Variants in SIK2 observed in about 807,000 individuals in gnomAD.
SIK2 encodes the protein salt inducible kinase 2.
In SIK2, 29 loss-of-function variants were observed where a neutral mutation model predicts 103.2. The observed-to-expected ratio is 0.28, with a 90% CI of 0.21 to 0.38. The LOEUF is 0.38. Among genes scored for constraint, SIK2 ranks in the 10% least tolerant of loss-of-function variants. The pLI is 1.00. For synonymous variants in SIK2, 412 were observed against 446.1 expected (o/e 0.92, Z 0.96); for missense variants, 879 against 1,171.0 (o/e 0.75, Z 3.64).
At chr11:111,652,974 G>A (rs1287689918) in intron 3 of SIK2, among the ~76,000 whole-genome samples, 1 of 152,138 alleles carries the variant, frequency 6.6e-6, no homozygotes, top group Non-Finnish European at 1.5e-5. Context: ...ATTATATTAG[G>A]TAACTATATT....
chr11:111,671,917 T>C, intron 3 of SIK2: 1 of 440,584 alleles, frequency 2.3e-6, no homozygotes. Context: ...TCAGCTTCTC[T>C]GACCCAGAGT....
At chr11:111,607,697 T>C (rs1380548957) in intron 1 of SIK2, among the ~76,000 whole-genome samples, 1 of 152,220 alleles carries the variant, frequency 6.6e-6, no homozygotes, top group Admixed American at 6.5e-5. Context: ...ATATATACTT[T>C]CATAGAATTT....
At chr11:111,652,398 T>C (rs1005449462) in intron 3 of SIK2, among the ~76,000 whole-genome samples, 3 of 152,116 alleles carry the variant, frequency 2.0e-5, no homozygotes, top group Non-Finnish European at 4.4e-5. Context: ...CGAAATCTAG[T>C]CTCCCAGTTT....
At chr11:111,605,346 T>A (rs1941636337) in intron 1 of SIK2, among the ~76,000 whole-genome samples, 1 of 152,212 alleles carries the variant, frequency 6.6e-6, no homozygotes. Context: ...CCTTATTCGT[T>A]CATTCACTGG....
chr11:111,702,174 G>GTT (rs1943225986), intron 6 of SIK2, among the ~76,000 whole-genome samples: 1 of 152,168 alleles, frequency 6.6e-6, no homozygotes, highest in African/African-American at 2.4e-5. Context: ...GAGTCCACTG[G>GTT]TTACTGGCCA....
At chr11:111,666,899 CTG>C (rs1405483153) in intron 3 of SIK2, among the ~76,000 whole-genome samples, 1 of 151,712 alleles carries the variant, frequency 6.6e-6, no homozygotes, top group Non-Finnish European at 1.5e-5. Context: ...TATTTACACT[CTG>C]TATTACAGTT....
chr11:111,687,570 C>A (rs1345989588), intron 3 of SIK2, among the ~76,000 whole-genome samples: 1 of 150,916 alleles, frequency 6.6e-6, no homozygotes, highest in East Asian at 1.9e-4. Context: ...TTGGAAAACA[C>A]CATATTACTT....
At chr11:111,629,944 C>T (rs75085182) in intron 3 of SIK2, among the ~76,000 whole-genome samples, 1,743 of 152,224 alleles carry the variant, frequency 0.011, 15 homozygotes, top group Non-Finnish European at 0.017. Flanking sequence ...TACCCCATCA[C>T]GCAACAATTC....
At chr11:111,667,727 A>G (rs748033959) in intron 3 of SIK2, among the ~76,000 whole-genome samples, 4 of 151,912 alleles carry the variant, frequency 2.6e-5, no homozygotes, top group Non-Finnish European at 5.9e-5. Context: ...TCCTGACCTC[A>G]AGTGATCTGC....
At chr11:111,664,381 C>T (rs11608122) in intron 3 of SIK2, among the ~76,000 whole-genome samples, 36,285 of 151,734 alleles carry the variant, frequency 0.24, 4,543 homozygotes, top group Middle Eastern at 0.31. Context: ...TTTGGGAGGC[C>T]GAGGCGGGCG....
Position 111,694,546 on chromosome 11 carries a change from C to T in SIK2, c.479-6340C>T, listed in dbSNP as rs1031309921. Among the ~76,000 whole-genome samples the T allele has an allele frequency of 3.3e-5, 5 of 151,788 alleles. 1 individual carries two copies. The highest frequency in any genetic ancestry group is 2.6e-4 in the Admixed American group (4 of 15,244). ...GTATATATGATTTCAGATTTGTCCC[C>T]TAGAACTGAAAAAGGGTAGGAGAGG... On this transcript the variant is annotated intron_variant, in intron 4 of 14. Transcript: ENST00000304987.
chr11:111,670,629 G>C (rs750735801), intron 3 of SIK2, among the ~76,000 whole-genome samples: 8 of 152,224 alleles, frequency 5.3e-5, no homozygotes, highest in Admixed American at 1.3e-4. Flanking sequence ...TTTCTGCAAG[G>C]CTTGAGCTCC....
chr11:111,663,756 G>A (rs1469154129), intron 3 of SIK2, among the ~76,000 whole-genome samples: 1 of 152,154 alleles, frequency 6.6e-6, no homozygotes, highest in African/African-American at 2.4e-5. Context: ...GAGCTTCGGG[G>A]TACGTTTTCA....
At chr11:111,703,164 G>A in intron 6 of SIK2, 39 bp from the exon 7 acceptor site, 1 of 1,586,844 alleles carries the variant, frequency 6.3e-7, no homozygotes, top group East Asian at 2.2e-5. Flanking sequence ...GAAGTGCAAG[G>A]TGATTCTTGT....
intron 6 of SIK2, among the ~76,000 whole-genome samples, chr11:111,702,672 GTCAGC>G (rs1194520917): frequency 1.3e-5 from 2 of 152,282 alleles, no homozygotes; most frequent in African/African-American, 4.8e-5. Flanking sequence ...AGAGCATCAT[GTCAGC>G]TCAGAGAATA....
intron 3 of SIK2, among the ~76,000 whole-genome samples, chr11:111,643,999 GAAAA>G (rs1402065544): frequency 6.6e-6 from 1 of 151,428 alleles, no homozygotes; most frequent in East Asian, 1.9e-4. Context: ...AAGAAAGAAA[GAAAA>G]GAGGCCAGGC....
chr11:111,611,454 T>C (rs1261692197), intron 1 of SIK2, among the ~76,000 whole-genome samples: 3 of 152,178 alleles, frequency 2.0e-5, no homozygotes, highest in Non-Finnish European at 2.9e-5. Flanking sequence ...GAACTTTAGC[T>C]GACCAGGTTA....
intron 1 of SIK2, among the ~76,000 whole-genome samples, chr11:111,612,310 T>C (rs1297350848): frequency 6.6e-6 from 1 of 152,192 alleles, no homozygotes; most frequent in East Asian, 1.9e-4. Context: ...TAAAATATGC[T>C]GAAGTATCTT....
chr11:111,609,206 C>T (rs1941687030), intron 1 of SIK2, among the ~76,000 whole-genome samples: 1 of 151,962 alleles, frequency 6.6e-6, no homozygotes, highest in Non-Finnish European at 1.5e-5. Flanking sequence ...TATTTTTAAT[C>T]ACTTCTTTAA....
Sources: gnomAD v4.1 joint callset for allele counts (sites outside exome capture counted in the v4.1 genomes callset) on GRCh38, gnomAD v4.1.1 for gene constraint, MANE v1.5 for transcripts, NCBI Gene and HGNC (gene_info 2026-07-23, HGNC 2026-07-21) for gene names.